The following GPC3 variants were observed in gnomAD, a reference collection of about 807,000 sequenced individuals.
GPC3 encodes glypican-3.
Under a neutral mutation model 34.4 loss-of-function variants are expected in GPC3, and 3 were observed. The ratio of observed to expected loss-of-function variants is 0.09; its 90% CI spans 0.04 to 0.23. The LOEUF (loss-of-function observed/expected upper bound fraction) is 0.23. Ranked by LOEUF, GPC3 falls within the 10% of genes least tolerant of loss-of-function variation. The pLI is 1.00. For missense variants in GPC3, 351 were observed against 445.6 expected, an observed-to-expected ratio of 0.79 and a Z score of 1.91; for synonymous variants, 177 against 174.0, an observed-to-expected ratio of 1.02 and a Z score of -0.13.
chrX:133,815,667 T>C (rs1432586341), intron 2 of GPC3, among the ~76,000 whole-genome samples: 1 of 112,170 alleles, frequency 8.9e-6, no homozygotes, highest in Non-Finnish European at 1.9e-5. Flanking sequence ...TATAAGAGCA[T>C]GGTACTTATT....
intron 5 of GPC3, among the ~76,000 whole-genome samples, chrX:133,677,376 C>T (rs1162271280): frequency 8.9e-6 from 1 of 112,209 alleles, no homozygotes; most frequent in Non-Finnish European, 1.9e-5. Context: ...CCTTTCCTTT[C>T]ATATTCCCTC....
intron 6 of GPC3, among the ~76,000 whole-genome samples, chrX:133,615,586 A>C (rs969313179): frequency 7.3e-5 from 8 of 109,558 alleles, no homozygotes; most frequent in Non-Finnish European, 5.7e-5. Flanking sequence ...GGGGAACATC[A>C]CACACTGGGG....
At chrX:133,544,931 G>A (rs2069370140) in intron 7 of GPC3, among the ~76,000 whole-genome samples, 1 of 111,393 alleles carries the variant, frequency 9.0e-6, no homozygotes, top group African/African-American at 3.3e-5. Context: ...AATGTGGGTG[G>A]TGGCTCTCCT....
intron 2 of GPC3, among the ~76,000 whole-genome samples, chrX:133,869,815 C>T (rs1328297964): frequency 9.9e-5 from 11 of 111,231 alleles, no homozygotes; most frequent in African/African-American, 2.0e-4. Flanking sequence ...ATTAGCCGGG[C>T]GCGGTGGTGG....
intron 2 of GPC3, among the ~76,000 whole-genome samples, chrX:133,766,245 C>T (rs2071843719): frequency 8.9e-6 from 1 of 112,283 alleles, no homozygotes; most frequent in Admixed American, 9.4e-5. Context: ...GGCATCTTTG[C>T]TGTCTCATTA....
Position 133,768,745 on chromosome X carries a change from C to A in GPC3, c.338-14569G>T, listed in dbSNP as rs769043124. Among the ~76,000 whole-genome samples the A allele has an allele frequency of 4.5e-5, 5 of 110,945 alleles. No individual in the cohort carries two copies. In the Admixed American group the frequency reaches 4.8e-4, roughly 11 times the overall value. On this transcript the variant is annotated intron_variant, in intron 2 of 7. Transcript: ENST00000370818. Reference sequence around the variant, plus strand: ...CCTGAGGTCAGGAGTTCGAGACCAGCCTGACCAACATGGTGAAACCCTGTC... The same window carrying A: ...CCTGAGGTCAGGAGTTCGAGACCAGACTGACCAACATGGTGAAACCCTGTC...
intron 4 of GPC3, among the ~76,000 whole-genome samples, chrX:133,695,227 G>C (rs964038975): frequency 9.0e-6 from 1 of 111,608 alleles, no homozygotes; most frequent in African/African-American, 3.3e-5. Context: ...ATGAGAACAG[G>C]ATGGGGGAAC....
intron 2 of GPC3, among the ~76,000 whole-genome samples, chrX:133,823,751 G>A (rs1006209108): frequency 2.7e-5 from 3 of 110,552 alleles, no homozygotes; most frequent in Admixed American, 9.7e-5. Context: ...AGGATGAGGC[G>A]GGCAGATCAC....
chrX:133,616,486 C>T (rs1372522650), intron 6 of GPC3, among the ~76,000 whole-genome samples: 2 of 111,058 alleles, frequency 1.8e-5, no homozygotes, highest in Non-Finnish European at 3.8e-5. Context: ...TATCAAAATT[C>T]CAGCTGCCTT....
intron 2 of GPC3, among the ~76,000 whole-genome samples, chrX:133,911,816 T>C (rs1195506504): frequency 1.8e-5 from 2 of 111,784 alleles, no homozygotes; most frequent in Admixed American, 1.9e-4. Context: ...AGCATTTGGT[T>C]TGGCATGTGC....
At chrX:133,583,479 C>A (rs2069753417) in intron 7 of GPC3, among the ~76,000 whole-genome samples, 1 of 111,781 alleles carries the variant, frequency 8.9e-6, no homozygotes, top group Non-Finnish European at 1.9e-5. Flanking sequence ...ATTCTCCCAC[C>A]TCAGCCTCCT....
chrX:133,828,305 C>A, intron 2 of GPC3, among the ~76,000 whole-genome samples: 1 of 110,133 alleles, frequency 9.1e-6, no homozygotes, highest in East Asian at 2.9e-4. Flanking sequence ...TACAGGTGAG[C>A]GCCACCACAC....
rs757851467 is a variant in GPC3, at chrX:133,649,496, G to A, written c.1413+12234C>T. 5.4e-5 allele frequency among the ~76,000 whole-genome samples: 6 copies of A among 111,048 alleles called. No individual in the cohort carries two copies. The South Asian group carries it at 2.3e-3, about 42-fold the overall frequency. ...AATTTGGACCATGGGTTATCAGATT[G>A]CAATTACTGATCAATCAATTTGTCA... On this transcript the variant is annotated intron_variant, in intron 6 of 7. Coordinates refer to ENST00000370818, the MANE Select transcript of GPC3 (RefSeq NM_004484.4).
At chrX:133,654,521 G>A (rs1159046383) in intron 6 of GPC3, among the ~76,000 whole-genome samples, 1 of 110,902 alleles carries the variant, frequency 9.0e-6, no homozygotes, top group African/African-American at 3.3e-5. Flanking sequence ...AGACCAGCCT[G>A]GCCAACATGG....
At chrX:133,814,022 A>G (rs1050731811) in intron 2 of GPC3, among the ~76,000 whole-genome samples, 1 of 112,050 alleles carries the variant, frequency 8.9e-6, no homozygotes, top group African/African-American at 3.2e-5. Flanking sequence ...TGTGTTAAGA[A>G]ATGTCGAAGA....
intron 6 of GPC3, among the ~76,000 whole-genome samples, chrX:133,630,679 A>G (rs2070356241): frequency 9.0e-6 from 1 of 111,664 alleles, no homozygotes; most frequent in Non-Finnish European, 1.9e-5. Flanking sequence ...GTCGACAAGC[A>G]GAGATCTGAG....
At chrX:133,710,243 G>A (rs1001538878) in intron 3 of GPC3, among the ~76,000 whole-genome samples, 3 of 112,010 alleles carry the variant, frequency 2.7e-5, no homozygotes, top group East Asian at 2.8e-4. Context: ...TGGTATTATC[G>A]TGAAAGGAAC....
intron 2 of GPC3, among the ~76,000 whole-genome samples, chrX:133,878,304 G>C (rs1317708048): frequency 9.0e-6 from 1 of 110,924 alleles, no homozygotes; most frequent in Non-Finnish European, 1.9e-5. Flanking sequence ...GCAGATGCCT[G>C]TAATCCCAAC....
In GPC3 at chrX:133,817,516, T is replaced by C. The variant is rs191360770; in HGVS notation, c.338-63340A>G. ...AAACAAAAACAAACCTGACTCCTTC[T>C]AGGGATCTTTTAAATGAAACTAGTG... On this transcript the variant is annotated intron_variant, in intron 2 of 7. Coordinates refer to ENST00000370818, the MANE Select transcript of GPC3 (RefSeq NM_004484.4). Among the ~76,000 whole-genome samples the C allele has an allele frequency of 4.4e-3, 483 of 110,229 alleles. 3 individuals carry two copies. Among genetic ancestry groups the C allele is most frequent in the African/African-American group, 0.016 (470 of 30,210 alleles).
Sources: gnomAD v4.1 joint callset for allele counts (sites outside exome capture counted in the v4.1 genomes callset) on GRCh38, gnomAD v4.1.1 for gene constraint, MANE v1.5 for transcripts, NCBI Gene and HGNC (gene_info 2026-07-23, HGNC 2026-07-21) for gene names.